The following SKAP1 variants were observed in gnomAD, a reference collection of about 807,000 sequenced individuals.
SKAP1 encodes the protein src kinase associated phosphoprotein 1, also known as src kinase-associated phosphoprotein 1.
Under a neutral mutation model 58.5 loss-of-function variants are expected in SKAP1, and 44 were observed. That is an observed-to-expected ratio of 0.75 (90% CI 0.59 to 0.97). The LOEUF is 0.97. Among genes scored for constraint, SKAP1 ranks in the 50% least tolerant of loss-of-function variants. The pLI, the probability that SKAP1 is intolerant of heterozygous loss-of-function variation, is 0.00. For synonymous variants in SKAP1, 127 were observed against 149.7 expected, an observed-to-expected ratio of 0.85 and a Z score of 1.11; for missense variants, 390 against 435.2, an observed-to-expected ratio of 0.90 and a Z score of 0.92.
At chr17:48,326,889 C>CTTTTT (rs35868072) in intron 4 of SKAP1, among the ~76,000 whole-genome samples, 40 of 121,544 alleles carry the variant, frequency 3.3e-4, no homozygotes, top group African/African-American at 6.7e-4. Flanking sequence ...TTCTTTCTTT[C>CTTTTT]TTTTTTTTTT....
At chr17:48,150,071 C>T (rs1027951943) in intron 11 of SKAP1, among the ~76,000 whole-genome samples, 2 of 152,182 alleles carry the variant, frequency 1.3e-5, no homozygotes, top group African/African-American at 4.8e-5. Flanking sequence ...CGGAAATTAG[C>T]AGCGATTGAA....
intron 1 of SKAP1, among the ~76,000 whole-genome samples, chr17:48,424,407 A>G (rs2067832458): frequency 6.6e-6 from 1 of 151,064 alleles, no homozygotes; most frequent in South Asian, 2.1e-4. Context: ...TTGTATTTTT[A>G]GTACAGACGG....
chr17:48,431,821 T>A (rs1316431671), upstream of SKAP1, among the ~76,000 whole-genome samples: 1 of 151,812 alleles, frequency 6.6e-6, no homozygotes, highest in Non-Finnish European at 1.5e-5. Context: ...ACAACAGCCA[T>A]AAGGGGAATA....
At chr17:48,254,984 T>C (rs760750388) in intron 4 of SKAP1, among the ~76,000 whole-genome samples, 22 of 152,092 alleles carry the variant, frequency 1.4e-4, no homozygotes, top group Non-Finnish European at 2.8e-4. Flanking sequence ...GATTTCTTCT[T>C]TCCCTTTCAT....
intron 4 of SKAP1, among the ~76,000 whole-genome samples, chr17:48,328,069 A>G (rs965272274): frequency 1.3e-5 from 2 of 152,066 alleles, no homozygotes; most frequent in African/African-American, 4.8e-5. Context: ...GAGAACCCAT[A>G]CTCTGCAACT....
At chr17:48,365,032 C>T (rs1007703849) in intron 2 of SKAP1, among the ~76,000 whole-genome samples, 8 of 152,120 alleles carry the variant, frequency 5.3e-5, no homozygotes, top group African/African-American at 9.7e-5. Context: ...CACAGGCACA[C>T]GCCACCACAC....
chr17:48,306,009 T>A (rs867551422), intron 4 of SKAP1, among the ~76,000 whole-genome samples: 2 of 152,176 alleles, frequency 1.3e-5, no homozygotes, highest in Non-Finnish European at 2.9e-5. Flanking sequence ...CAAAGACAAG[T>A]TGTGGAACAT....
chr17:48,443,915 A>T, the SKAP1 span, among the ~76,000 whole-genome samples: 1 of 152,154 alleles, frequency 6.6e-6, no homozygotes, highest in Non-Finnish European at 1.5e-5. Context: ...TAAATTTAAT[A>T]ATCATCAATT....
chr17:48,297,162 G>C (rs1302170914), intron 4 of SKAP1, among the ~76,000 whole-genome samples: 1 of 152,028 alleles, frequency 6.6e-6, no homozygotes, highest in Non-Finnish European at 1.5e-5. Flanking sequence ...AATAGATGGT[G>C]GTTTTATTTT....
chr17:48,236,318 A>G (rs1035642419), intron 4 of SKAP1, among the ~76,000 whole-genome samples: 6 of 152,208 alleles, frequency 3.9e-5, no homozygotes, highest in African/African-American at 1.4e-4. Context: ...AATGCAATTT[A>G]TCATTTGTAT....
chr17:48,360,375 G>T (rs2066920584), intron 3 of SKAP1, among the ~76,000 whole-genome samples: 1 of 152,038 alleles, frequency 6.6e-6, no homozygotes, highest in African/African-American at 2.4e-5. Context: ...GAAGCAAAAT[G>T]AAGGAAATCA....
chr17:48,190,167 C>T (rs998251878), intron 4 of SKAP1, among the ~76,000 whole-genome samples: 27 of 148,870 alleles, frequency 1.8e-4, no homozygotes, highest in Admixed American at 6.0e-4. Flanking sequence ...AGTGCAGTGG[C>T]GCGATCTTGG....
chr17:48,315,307 C>G (rs1432372550), intron 4 of SKAP1, among the ~76,000 whole-genome samples: 1 of 152,118 alleles, frequency 6.6e-6, no homozygotes, highest in Non-Finnish European at 1.5e-5. Context: ...AGTCAAGATT[C>G]TTAATGTGGT....
At chr17:48,269,588 T>C (rs1403855052) in intron 4 of SKAP1, among the ~76,000 whole-genome samples, 1 of 152,002 alleles carries the variant, frequency 6.6e-6, no homozygotes, top group Non-Finnish European at 1.5e-5. Flanking sequence ...AATGCCTTCA[T>C]TTAGAGATTC....
At chr17:48,395,225 T>G (rs1309490410) in intron 2 of SKAP1, among the ~76,000 whole-genome samples, 1 of 152,174 alleles carries the variant, frequency 6.6e-6, no homozygotes, top group African/African-American at 2.4e-5. Context: ...CAGTAATGAG[T>G]TACCGTAATT....
intron 4 of SKAP1, among the ~76,000 whole-genome samples, chr17:48,312,912 T>A (rs547725583): frequency 6.6e-6 from 1 of 152,260 alleles, no homozygotes; most frequent in African/African-American, 2.4e-5. Flanking sequence ...GTGTCTTCTG[T>A]GTGATCAGTA....
chr17:48,207,499 A>G (rs923134658), intron 4 of SKAP1, among the ~76,000 whole-genome samples: 3 of 151,818 alleles, frequency 2.0e-5, no homozygotes, highest in African/African-American at 7.3e-5. Flanking sequence ...AAAAAAAAAA[A>G]AAAGAAAAAA....
intron 3 of SKAP1, among the ~76,000 whole-genome samples, chr17:48,356,625 C>T (rs2066879497): frequency 6.6e-6 from 1 of 152,056 alleles, no homozygotes; most frequent in African/African-American, 2.4e-5. Flanking sequence ...AACATTTGTT[C>T]TGTTCTGTAT....
intron 1 of SKAP1, among the ~76,000 whole-genome samples, chr17:48,402,157 T>C (rs911255912): frequency 1.3e-5 from 2 of 152,188 alleles, no homozygotes; most frequent in Non-Finnish European, 2.9e-5. Flanking sequence ...GGAAACCTTA[T>C]ACATTGCTGG....
Sources: allele counts gnomAD v4.1 joint callset (sites outside exome capture counted in the v4.1 genomes callset), GRCh38; gene constraint gnomAD v4.1.1; transcripts MANE v1.5; gene names NCBI Gene and HGNC (gene_info 2026-07-23, HGNC 2026-07-21).